The following ENTREP1 variants were observed in gnomAD, a reference collection of about 807,000 sequenced individuals.
ENTREP1 encodes endosomal transmembrane epsin interactor 1.
chr9:69,337,606 A>AT, the ENTREP1 span, among the ~76,000 whole-genome samples: 1 of 152,154 alleles, frequency 6.6e-6, no homozygotes, highest in East Asian at 1.9e-4. Flanking sequence ...TTGCTATGTC[A>AT]TTTTGATTCA....
chr9:69,339,737 C>T, the ENTREP1 span, among the ~76,000 whole-genome samples: 2 of 152,166 alleles, frequency 1.3e-5, no homozygotes, highest in Non-Finnish European at 2.9e-5. Context: ...GCTGTAGGCT[C>T]AGGGGCACCT....
the ENTREP1 span, among the ~76,000 whole-genome samples, chr9:69,334,304 C>T: frequency 6.6e-6 from 1 of 152,218 alleles, no homozygotes; most frequent in Admixed American, 6.5e-5. Context: ...CTAGTAGTAC[C>T]TTTAAACATA....
chr9:69,340,912 C>T, the ENTREP1 span, among the ~76,000 whole-genome samples: 1 of 151,830 alleles, frequency 6.6e-6, no homozygotes, highest in African/African-American at 2.4e-5. Flanking sequence ...GACATCATTC[C>T]TCTTTCATTC....
At chr9:69,360,558 A>T in the ENTREP1 span, among the ~76,000 whole-genome samples, 2 of 152,128 alleles carry the variant, frequency 1.3e-5, no homozygotes, top group Admixed American at 1.3e-4. Flanking sequence ...GTTATTATTG[A>T]TACAAATGTC....
chr9:69,342,592 T>G, the ENTREP1 span, among the ~76,000 whole-genome samples: 1 of 152,254 alleles, frequency 6.6e-6, no homozygotes, highest in South Asian at 2.1e-4. Context: ...GTTTTGAGTC[T>G]CAGTCCTATC....
At chr9:69,325,278 CCG>C in the ENTREP1 span, 4 of 34,342 alleles carry the variant, frequency 1.2e-4, no homozygotes, top group Non-Finnish European at 1.3e-4. Context: ...CCGCAGCCGG[CCG>C]CACCCGGCCG....
At chr9:69,385,651 G>C in the ENTREP1 span, 124 of 1,273,602 alleles carry the variant, frequency 9.7e-5, no homozygotes, top group African/African-American at 1.6e-3. Flanking sequence ...TGGGCCAGCA[G>C]CCTGAGTAAA....
chr9:69,377,930 T>TTA, the ENTREP1 span, among the ~76,000 whole-genome samples: 2 of 152,164 alleles, frequency 1.3e-5, no homozygotes, highest in Non-Finnish European at 2.9e-5. Context: ...GTGGTATGGC[T>TTA]TTTAGAGAGT....
chr9:69,347,155 A>G, the ENTREP1 span, among the ~76,000 whole-genome samples: 2 of 152,208 alleles, frequency 1.3e-5, no homozygotes, highest in Admixed American at 1.3e-4. Flanking sequence ...AATAGCAGGC[A>G]TGGGGTGAGC....
the ENTREP1 span, chr9:69,371,455 T>C: frequency 7.9e-7 from 1 of 1,259,846 alleles, no homozygotes; most frequent in Admixed American, 1.7e-5. Context: ...TGTCTGAATT[T>C]AGCTGTTATC....
the ENTREP1 span, among the ~76,000 whole-genome samples, chr9:69,374,969 A>G: frequency 6.6e-6 from 1 of 152,240 alleles, no homozygotes; most frequent in Non-Finnish European, 1.5e-5. Flanking sequence ...ATCATTTTGC[A>G]CAGTGCCTGA....
the ENTREP1 span, among the ~76,000 whole-genome samples, chr9:69,339,760 C>T: frequency 6.6e-6 from 1 of 152,310 alleles, no homozygotes; most frequent in Admixed American, 6.5e-5. Context: ...TGACTTGGGA[C>T]TTTCACCCCC....
the ENTREP1 span, among the ~76,000 whole-genome samples, chr9:69,389,110 CCTT>C: frequency 6.6e-6 from 1 of 152,236 alleles, no homozygotes; most frequent in Admixed American, 6.5e-5. Flanking sequence ...AATGGAGTTT[CCTT>C]CTGGTAAGAG....
At chr9:69,330,418 C>T in the ENTREP1 span, among the ~76,000 whole-genome samples, 1 of 152,192 alleles carries the variant, frequency 6.6e-6, no homozygotes. Flanking sequence ...ACATCTATGT[C>T]TGTGCTTTAA....
the ENTREP1 span, among the ~76,000 whole-genome samples, chr9:69,355,700 T>C: frequency 6.6e-6 from 1 of 152,188 alleles, no homozygotes; most frequent in Non-Finnish European, 1.5e-5. Context: ...GTGATTGCAG[T>C]TAGATGGCAG....
chr9:69,377,775 G>A, the ENTREP1 span: 3 of 1,583,298 alleles, frequency 1.9e-6, no homozygotes, highest in Admixed American at 1.7e-5. Flanking sequence ...TGCAGTCTGA[G>A]TGGGATGCTG....
the ENTREP1 span, chr9:69,388,289 T>C: frequency 6.2e-7 from 1 of 1,614,136 alleles, no homozygotes; most frequent in Non-Finnish European, 8.5e-7. Flanking sequence ...AGATTACAAA[T>C]CCTACATGGA....
At chr9:69,383,463 T>C in the ENTREP1 span, 4 of 1,487,064 alleles carry the variant, frequency 2.7e-6, no homozygotes, top group Admixed American at 9.2e-5. Flanking sequence ...GGCCACTTCG[T>C]CGGAGAGCAG....
the ENTREP1 span, among the ~76,000 whole-genome samples, chr9:69,378,455 C>T: frequency 6.6e-6 from 1 of 152,110 alleles, no homozygotes; most frequent in African/African-American, 2.4e-5. Context: ...CTTCTAGAAT[C>T]AAACCTTTTT....
Sources: allele counts gnomAD v4.1 joint callset (sites outside exome capture counted in the v4.1 genomes callset), GRCh38; gene constraint gnomAD v4.1.1; transcripts MANE v1.5; gene names NCBI Gene and HGNC (gene_info 2026-07-23, HGNC 2026-07-21).